Variants in CCSER1 observed in about 807,000 individuals in gnomAD.
The protein encoded by CCSER1 is coiled-coil serine rich protein 1.
CCSER1 carries 41 observed loss-of-function variants against 82.0 expected under a neutral mutation model. That is an observed-to-expected ratio of 0.50 (90% CI 0.39 to 0.65). The LOEUF is 0.65. CCSER1 is among the 30% of genes least tolerant of loss of function. The pLI, the probability that CCSER1 is intolerant of heterozygous loss-of-function variation, is 0.00. For missense variants in CCSER1, 1,119 were observed against 1,064.2 expected (o/e 1.05, Z -0.72); for synonymous variants, 414 against 383.9 (o/e 1.08, Z -0.92).
At chr4:90,389,197 G>A (rs768540133) in intron 3 of CCSER1, among the ~76,000 whole-genome samples, 19 of 152,068 alleles carry the variant, frequency 1.2e-4, no homozygotes, top group East Asian at 1.9e-4. Context: ...AGATAATAAC[G>A]TGATGGGAAA....
intron 3 of CCSER1, among the ~76,000 whole-genome samples, chr4:90,361,900 T>C (rs1040262955): frequency 2.6e-5 from 4 of 152,336 alleles, no homozygotes; most frequent in South Asian, 4.1e-4. Flanking sequence ...CAGGCAAGTT[T>C]ATATAGGAAT....
chr4:90,157,645 C>G (rs972362472), intron 1 of CCSER1, among the ~76,000 whole-genome samples: 1 of 152,164 alleles, frequency 6.6e-6, no homozygotes, highest in Non-Finnish European at 1.5e-5. Flanking sequence ...CACTGATACC[C>G]TTTCTTCCAG....
intron 10 of CCSER1, among the ~76,000 whole-genome samples, chr4:91,375,701 C>T (rs906773812): frequency 2.0e-5 from 3 of 151,898 alleles, no homozygotes; most frequent in Admixed American, 1.3e-4. Flanking sequence ...GGCTTAACAC[C>T]TTTACATTTG....
At chr4:91,097,931 G>T (rs905937920) in intron 10 of CCSER1, among the ~76,000 whole-genome samples, 1 of 152,056 alleles carries the variant, frequency 6.6e-6, no homozygotes, top group Non-Finnish European at 1.5e-5. Context: ...TTTCTCTGCT[G>T]GATTACAGTG....
Position 91,599,133 on chromosome 4 carries a change from G to T in CCSER1, c.*76G>T. On this transcript the variant is annotated 3_prime_UTR_variant, in exon 11 of 11. Transcript: ENST00000509176. Reference sequence around the variant, plus strand: ...CTCGTGCATAGTTCATATTAAAATTGTCATGTACTTTTTCTTACATTTTAG... The same window carrying T: ...CTCGTGCATAGTTCATATTAAAATTTTCATGTACTTTTTCTTACATTTTAG... The T allele has an allele frequency of 7.2e-7, 1 of 1,391,900 alleles. No homozygotes were observed. Among genetic ancestry groups the T allele is most frequent in the Non-Finnish European group, 9.5e-7 (1 of 1,056,658 alleles). 86.2% of individuals were successfully genotyped at this position (1,391,900 alleles called of 1,614,324 possible).
At chr4:91,309,648 T>C (rs1039527646) in intron 10 of CCSER1, among the ~76,000 whole-genome samples, 1 of 152,014 alleles carries the variant, frequency 6.6e-6, no homozygotes, top group Admixed American at 6.6e-5. Flanking sequence ...CTTGCAGCTC[T>C]TGTACTCTAC....
In CCSER1 at chr4:91,247,174, C is replaced by T. The variant is rs62311982; in HGVS notation, c.2217+161180C>T. Among the ~76,000 whole-genome samples, 1,035 of 151,236 alleles carry T rather than the reference C, an allele frequency of 6.8e-3. 7 individuals carry two copies. Among genetic ancestry groups the T allele is most frequent in the Non-Finnish European group, 9.2e-3 (626 of 67,758 alleles). ...AATATTAGCCGGGTGTGGTGGTGGG[C>T]GCCTGTAGTCCCAGCTACTCAGGAG... On this transcript the variant is annotated intron_variant, in intron 10 of 10. Coordinates refer to ENST00000509176, the MANE Select transcript of CCSER1 (RefSeq NM_001145065.2).
At chr4:90,720,214 G>A (rs1742427580) in intron 6 of CCSER1, among the ~76,000 whole-genome samples, 1 of 151,212 alleles carries the variant, frequency 6.6e-6, no homozygotes, top group Admixed American at 6.6e-5. Context: ...ATCATCTTGT[G>A]CCTCTTGTAA....
At chr4:90,320,070 A>G (rs1002437532) in intron 3 of CCSER1, among the ~76,000 whole-genome samples, 6 of 152,132 alleles carry the variant, frequency 3.9e-5, no homozygotes, top group South Asian at 2.1e-4. Flanking sequence ...AAATTGTATC[A>G]TGGACGTAAC....
chr4:91,327,201 T>A (rs891896521), intron 10 of CCSER1, among the ~76,000 whole-genome samples: 5 of 152,204 alleles, frequency 3.3e-5, no homozygotes, highest in South Asian at 2.1e-4. Flanking sequence ...AGTTTCTCCG[T>A]GAGGGCTCTA....
intron 9 of CCSER1, among the ~76,000 whole-genome samples, chr4:91,038,064 T>C (rs920841885): frequency 3.3e-5 from 5 of 152,250 alleles, no homozygotes; most frequent in East Asian, 1.9e-4. Context: ...AACTATATCA[T>C]AGAGATAACG....
rs1350039716 is a variant in CCSER1 at position 91,063,074 on chromosome 4, C to T, written c.2173-22876C>T. 2.0e-5 allele frequency among the ~76,000 whole-genome samples: 3 copies of T among 152,038 alleles called. No individual in the cohort carries two copies. In the East Asian group the frequency reaches 5.8e-4, roughly 29 times the overall value. ...CTATTTTAAAATGAAAAACAGATAC[C>T]TAACTATGTCATGAAAAGTTACATT... On this transcript the variant is annotated intron_variant, in intron 9 of 10. Coordinates refer to ENST00000509176, the MANE Select transcript of CCSER1 (RefSeq NM_001145065.2).
Position 90,530,062 on chromosome 4 carries a change from G to T in CCSER1, c.1724+61708G>T, listed in dbSNP as rs542576692. Among the ~76,000 whole-genome samples, 4 of 151,968 alleles carry T rather than the reference G, an allele frequency of 2.6e-5. No individual in the cohort carries two copies. The South Asian group carries it at 8.3e-4, about 31-fold the overall frequency. On this transcript the variant is annotated intron_variant, in intron 5 of 10. Transcript: ENST00000509176. Reference sequence around the variant, plus strand: ...ATGCATTAGGATTAAAAGCACAAATGAACTACATTGTGTAAGTAAACTTCA... The same window carrying T: ...ATGCATTAGGATTAAAAGCACAAATTAACTACATTGTGTAAGTAAACTTCA...
In CCSER1 at chr4:90,943,849, T is replaced by C. The variant is rs113317098; in HGVS notation, c.2172+20402T>C. The stretch of plus-strand genomic sequence containing the variant: ...CCTCAGTCTCCCAAAGTGCTGGGAT[T>C]ACAGGCATGAGCCACTGCCCCCAGC... On this transcript the variant is annotated intron_variant, in intron 9 of 10. Transcript: ENST00000509176. 5.2e-3 allele frequency among the ~76,000 whole-genome samples: 775 copies of C among 149,574 alleles called. 5 individuals carry two copies. The highest frequency in any genetic ancestry group is 0.018 in the African/African-American group (735 of 40,570).
At chr4:90,817,652 A>G (rs1388347766) in intron 8 of CCSER1, among the ~76,000 whole-genome samples, 1 of 152,088 alleles carries the variant, frequency 6.6e-6, no homozygotes, top group Non-Finnish European at 1.5e-5. Flanking sequence ...TAAAAAAAAT[A>G]TAGTTTATTT....
intron 10 of CCSER1, among the ~76,000 whole-genome samples, chr4:91,440,197 T>G (rs1460481919): frequency 6.6e-6 from 1 of 152,122 alleles, no homozygotes; most frequent in Non-Finnish European, 1.5e-5. Context: ...TATTCCAAAA[T>G]AGACCACATA....
chr4:91,510,646 A>G (rs1223239261), intron 10 of CCSER1, among the ~76,000 whole-genome samples: 2 of 152,068 alleles, frequency 1.3e-5, no homozygotes, highest in African/African-American at 2.4e-5. Context: ...GTGTCTGTCC[A>G]TGTCATTTGT....
intron 1 of CCSER1, among the ~76,000 whole-genome samples, chr4:90,267,477 C>T (rs1291495760): frequency 6.6e-6 from 1 of 152,102 alleles, no homozygotes; most frequent in Admixed American, 6.6e-5. Context: ...GATTGTAGAG[C>T]CCTGGACCTT....
At chr4:91,175,172 A>G (rs540414759) in intron 10 of CCSER1, among the ~76,000 whole-genome samples, 5 of 152,170 alleles carry the variant, frequency 3.3e-5, no homozygotes, top group East Asian at 1.9e-4. Flanking sequence ...TTATGGCTGT[A>G]TAGTGTTCCA....
Sources: gnomAD v4.1 joint callset for allele counts (sites outside exome capture counted in the v4.1 genomes callset) on GRCh38, gnomAD v4.1.1 for gene constraint, MANE v1.5 for transcripts, NCBI Gene and HGNC (gene_info 2026-07-23, HGNC 2026-07-21) for gene names.